The following VWA3A variants were observed in gnomAD, a reference collection of about 807,000 sequenced individuals.
VWA3A encodes von Willebrand factor A domain containing 3A.
VWA3A carries 134 observed loss-of-function variants against 160.4 expected under a neutral mutation model. That is an observed-to-expected ratio of 0.84 (90% CI 0.73 to 0.96). The LOEUF (loss-of-function observed/expected upper bound fraction) is 0.96, where lower values mean the gene tolerates loss of function less well. VWA3A is among the 40% of genes least tolerant of loss of function. The pLI is 0.00. For missense variants in VWA3A, 1,310 were observed against 1,447.9 expected, an observed-to-expected ratio of 0.90 and a Z score of 1.55; for synonymous variants, 476 against 543.4, an observed-to-expected ratio of 0.88 and a Z score of 1.72.
chr16:22,140,617 T>C (rs1387975037), intron 23 of VWA3A, among the ~76,000 whole-genome samples: 1 of 150,934 alleles, frequency 6.6e-6, no homozygotes, highest in African/African-American at 2.4e-5. Flanking sequence ...ACTTTTTTTT[T>C]TTTTTTTTTT....
At chr16:22,145,640 CAA>C (rs201708423) in intron 26 of VWA3A, among the ~76,000 whole-genome samples, 10 of 87,166 alleles carry the variant, frequency 1.1e-4, no homozygotes, top group East Asian at 3.4e-4. Flanking sequence ...GACTCTGTCT[CAA>C]AAAAAAAAAA....
chr16:22,115,660 T>C (rs1323434281), intron 9 of VWA3A, among the ~76,000 whole-genome samples, 188 bp downstream of exon 9: 2 of 147,508 alleles, frequency 1.4e-5, no homozygotes, highest in Admixed American at 1.3e-4. Flanking sequence ...AGTGAGACCC[T>C]ATCTCTTAAA....
At chr16:22,108,791 A>G (rs533483009) in intron 6 of VWA3A, among the ~76,000 whole-genome samples, 1 of 152,244 alleles carries the variant, frequency 6.6e-6, no homozygotes, top group Non-Finnish European at 1.5e-5. Flanking sequence ...AGCATTGACA[A>G]GTAATACAGA....
At chr16:22,126,097 A>G in intron 16 of VWA3A, 81 bp from the exon 17 acceptor site, 2 of 1,582,916 alleles carry the variant, frequency 1.3e-6, no homozygotes, top group South Asian at 2.3e-5. Context: ...CCTGGAAAAA[A>G]ACTTTAAATA....
At chr16:22,148,984 G>T (rs913548806) in intron 28 of VWA3A, among the ~76,000 whole-genome samples, 2 of 152,110 alleles carry the variant, frequency 1.3e-5, no homozygotes, top group Non-Finnish European at 2.9e-5. Context: ...GGGTTGACCC[G>T]AAGGGGACCC....
intron 11 of VWA3A, among the ~76,000 whole-genome samples, chr16:22,117,399 G>C (rs2045666841): frequency 6.6e-6 from 1 of 152,242 alleles, no homozygotes; most frequent in Non-Finnish European, 1.5e-5. Context: ...TGATCAGCCT[G>C]TATGATGCAT....
intron 16 of VWA3A, among the ~76,000 whole-genome samples, chr16:22,124,882 A>G (rs1017870410): frequency 6.6e-6 from 1 of 152,150 alleles, no homozygotes; most frequent in Non-Finnish European, 1.5e-5. Flanking sequence ...TTCTTTTGCT[A>G]TCCATAGCTG....
In VWA3A at chr16:22,155,608, C is replaced by A. The variant is rs2046426686; in HGVS notation, c.3447C>A (p.Ile1149=). 1 of 1,613,972 alleles carries A rather than the reference C, an allele frequency of 6.2e-7. No individual in the cohort carries two copies. Among genetic ancestry groups the A allele is most frequent in the Non-Finnish European group, 8.5e-7 (1 of 1,179,902 alleles). Residue 1149 remains isoleucine, a synonymous_variant, in exon 32 of 34, where the codon ATC becomes ATA. Transcript: ENST00000389398. ...LPPFEGDDLR[I]LAQEITKARS... ...CATTTGAAGGAGATGATTTAAGGAT[C>A]CTGGCCCAGGAGATCACCAAGGCCA...
chr16:22,138,608 G>A (rs1284544886), intron 22 of VWA3A, 96 bp downstream of exon 22: 27 of 1,503,340 alleles, frequency 1.8e-5, no homozygotes, highest in Admixed American at 9.9e-5. Flanking sequence ...CAGCAGGGAT[G>A]GGGGTGGGTG....
intron 6 of VWA3A, among the ~76,000 whole-genome samples, chr16:22,106,712 A>T (rs565644946): frequency 6.6e-6 from 1 of 152,340 alleles, no homozygotes; most frequent in Non-Finnish European, 1.5e-5. Context: ...ACCTGATCCA[A>T]CAAGTTTCAA....
At chr16:22,133,142 C>G in intron 20 of VWA3A, 47 bp downstream of exon 20, 2 of 1,570,208 alleles carry the variant, frequency 1.3e-6, no homozygotes, top group Non-Finnish European at 1.7e-6. Context: ...AAACAGTTGT[C>G]TCAGCACCAG....
intron 8 of VWA3A, among the ~76,000 whole-genome samples, chr16:22,112,332 T>C (rs900687683): frequency 6.6e-6 from 1 of 152,234 alleles, no homozygotes; most frequent in Non-Finnish European, 1.5e-5. Context: ...ATAGGATTAT[T>C]ATCCTCATTT....
At chr16:22,151,275 CAAAAAAA>C (rs528478882) in intron 30 of VWA3A, among the ~76,000 whole-genome samples, 1 of 104,970 alleles carries the variant, frequency 9.5e-6, no homozygotes, top group Non-Finnish European at 2.0e-5. Flanking sequence ...GTGAGACTGT[CAAAAAAA>C]AAAAAAAAGA....
chr16:22,123,953 T>A (rs2045793615), intron 16 of VWA3A, among the ~76,000 whole-genome samples: 1 of 151,946 alleles, frequency 6.6e-6, no homozygotes, highest in Non-Finnish European at 1.5e-5. Flanking sequence ...AGCGGGAGGA[T>A]CGCTTGAGGC....
intron 5 of VWA3A, 93 bp from the exon 6 acceptor site, chr16:22,103,381 AC>A (rs1361352207): frequency 1.2e-5 from 14 of 1,204,242 alleles, no homozygotes; most frequent in South Asian, 2.8e-5. Flanking sequence ...AAAAAAAAAA[AC>A]AATTATTCAT....
intron 6 of VWA3A, among the ~76,000 whole-genome samples, chr16:22,104,653 C>G (rs2045455663): frequency 6.6e-6 from 1 of 152,034 alleles, no homozygotes; most frequent in Non-Finnish European, 1.5e-5. Context: ...GCACTCCAGC[C>G]TGGGCAACAG....
intron 25 of VWA3A, among the ~76,000 whole-genome samples, chr16:22,143,149 C>CAA (rs776095104): frequency 4.4e-5 from 3 of 68,804 alleles, no homozygotes; most frequent in Non-Finnish European, 6.9e-5. Flanking sequence ...GACTCTGTCT[C>CAA]AAAAAAAAAA....
intron 26 of VWA3A, 133 bp from the exon 27 acceptor site, chr16:22,146,103 T>G: frequency 1.0e-5 from 7 of 688,620 alleles, no homozygotes; most frequent in Non-Finnish European, 1.5e-5. Context: ...ATTACAGGCA[T>G]GAGCCACCGT....
At chr16:22,145,963 C>T (rs140247392) in intron 26 of VWA3A, among the ~76,000 whole-genome samples, 70 of 152,106 alleles carry the variant, frequency 4.6e-4, no homozygotes, top group African/African-American at 1.6e-3. Context: ...GCTGGGACCA[C>T]AGACACATGC....
Sources: allele counts gnomAD v4.1 joint callset (sites outside exome capture counted in the v4.1 genomes callset), GRCh38; gene constraint gnomAD v4.1.1; transcripts MANE v1.5; gene names NCBI Gene and HGNC (gene_info 2026-07-23, HGNC 2026-07-21).